The following KSR1 variants were observed in gnomAD, a reference collection of about 807,000 sequenced individuals.
KSR1 encodes kinase suppressor of ras 1, also known as kinase suppressor of ras.
KSR1 carries 35 observed loss-of-function variants against 92.9 expected under a neutral mutation model. That is an observed-to-expected ratio of 0.38 (90% CI 0.29 to 0.50). KSR1 has a LOEUF of 0.50. Among genes scored for constraint, KSR1 ranks in the 20% least tolerant of loss-of-function variants. The pLI is 0.94. For synonymous variants in KSR1, 467 were observed against 472.6 expected (o/e 0.99, Z 0.15); for missense variants, 972 against 1,158.5 (o/e 0.84, Z 2.34).
intron 2 of KSR1, among the ~76,000 whole-genome samples, chr17:27,552,611 G>GC (rs891365504): frequency 6.6e-6 from 1 of 152,182 alleles, no homozygotes; most frequent in East Asian, 1.9e-4. Flanking sequence ...GAGAGTTGGT[G>GC]CCCCCAGGGG....
intron 1 of KSR1, among the ~76,000 whole-genome samples, chr17:27,525,771 C>T (rs1320207114): frequency 6.6e-6 from 1 of 152,206 alleles, no homozygotes; most frequent in African/African-American, 2.4e-5. Flanking sequence ...CCTTCTTCAT[C>T]TGAAAGAGGA....
chr17:27,620,336 C>T (rs781368838), intron 19 of KSR1, among the ~76,000 whole-genome samples: 12 of 152,240 alleles, frequency 7.9e-5, no homozygotes, highest in Middle Eastern at 3.4e-3. Flanking sequence ...CACAGATGGC[C>T]GAGGCCAGGG....
intron 1 of KSR1, among the ~76,000 whole-genome samples, chr17:27,549,371 T>C (rs555910427): frequency 6.6e-6 from 1 of 152,204 alleles, no homozygotes; most frequent in Non-Finnish European, 1.5e-5. Flanking sequence ...AGTGAGCTCG[T>C]TTCCATCTGT....
intron 1 of KSR1, among the ~76,000 whole-genome samples, chr17:27,497,197 G>A (rs1264206950): frequency 6.6e-6 from 1 of 152,158 alleles, no homozygotes; most frequent in East Asian, 1.9e-4. Context: ...TTATGTTATC[G>A]GTAACCCATT....
intron 6 of KSR1, among the ~76,000 whole-genome samples, chr17:27,588,799 C>T (rs1333623370): frequency 6.6e-6 from 1 of 152,190 alleles, no homozygotes; most frequent in Non-Finnish European, 1.5e-5. Flanking sequence ...TCCCAGGACA[C>T]AGGTCCCGGG....
chr17:27,602,664 C>T (rs1272352135), intron 11 of KSR1, among the ~76,000 whole-genome samples: 1 of 152,196 alleles, frequency 6.6e-6, no homozygotes, highest in Non-Finnish European at 1.5e-5. Flanking sequence ...GTGTGTTTGC[C>T]TCCTTTGGAA....
intron 1 of KSR1, among the ~76,000 whole-genome samples, chr17:27,485,977 TTC>T (rs1190467358): frequency 1.3e-5 from 2 of 152,264 alleles, no homozygotes; most frequent in African/African-American, 4.8e-5. Flanking sequence ...ACGTTAGTTC[TTC>T]TAATTAGTCT....
At position 27,592,390 on chromosome 17, in the gene KSR1, A is replaced by C; in HGVS notation, c.1160A>C (p.Glu387Ala). Residue 387 changes from glutamate (E) to alanine (A), a missense_variant, in exon 8 of 21, where the codon GAA (glutamate) becomes GCA (alanine). Physicochemically the swap from Glu to Ala is moderately radical, Grantham distance 107. Coordinates refer to ENST00000644974, the MANE Select transcript of KSR1 (RefSeq NM_001394583.1). ...AAGTGTCACAACAAATGTACCAAAG[A>C]AGCCCCTGCCTGTAGAATATCCTTC... Reference protein sequence around the residue: ...RLKCHNKCTKEAPACRISFLP... With the variant: ...RLKCHNKCTKAAPACRISFLP... 3 of 1,613,946 alleles carry C rather than the reference A, an allele frequency of 1.9e-6. No individual in the cohort carries two copies. The highest frequency in any genetic ancestry group is 1.7e-6 in the Non-Finnish European group (2 of 1,179,892).
At chr17:27,620,734 G>A (rs1485237358) in intron 19 of KSR1, among the ~76,000 whole-genome samples, 1 of 152,172 alleles carries the variant, frequency 6.6e-6, no homozygotes, top group Non-Finnish European at 1.5e-5. Context: ...TGGGCAACTT[G>A]CTTAACAAGC....
chr17:27,532,419 G>C (rs899217648), intron 1 of KSR1, among the ~76,000 whole-genome samples: 27 of 152,234 alleles, frequency 1.8e-4, no homozygotes, highest in Admixed American at 8.5e-4. Context: ...TCAGGTACGG[G>C]CTGCTCTGTG....
chr17:27,566,298 G>A, intron 2 of KSR1: 1 of 393,826 alleles, frequency 2.5e-6, no homozygotes, highest in African/African-American at 2.1e-5. Flanking sequence ...CGGGAAGTAT[G>A]TGCTGACTCC....
rs2019340421 is a variant in KSR1, at chr17:27,459,614, C to T, written c.231+2740C>T. ...GTGGCCCCAGAGACTGTGCTTGCAACACTGGATTCCTGGCTTTTGAAGAAG... is the reference window on the plus strand; with the variant it reads ...GTGGCCCCAGAGACTGTGCTTGCAATACTGGATTCCTGGCTTTTGAAGAAG... On this transcript the variant is annotated intron_variant, in intron 1 of 20. Coordinates refer to ENST00000644974, the MANE Select transcript of KSR1 (RefSeq NM_001394583.1). The surrounding 1 kb of genome is among the most constrained non-coding windows in gnomAD (Gnocchi z 4.6). Among the ~76,000 whole-genome samples the T allele has an allele frequency of 6.6e-6, 1 of 152,268 alleles. No homozygotes were observed. The highest frequency in any genetic ancestry group is 2.4e-5 in the African/African-American group (1 of 41,470).
chr17:27,601,258 C>T, intron 10 of KSR1, 102 bp from the exon 11 acceptor site: 1 of 995,482 alleles, frequency 1.0e-6, no homozygotes, highest in South Asian at 1.5e-5. Context: ...TGTCCCAGCC[C>T]AGTAACAAGT....
chr17:27,571,039 C>A (rs969512401), intron 2 of KSR1, among the ~76,000 whole-genome samples: 1 of 152,200 alleles, frequency 6.6e-6, no homozygotes, highest in African/African-American at 2.4e-5. Context: ...AGGTCAGGGG[C>A]ATTGCGGGGA....
At chr17:27,621,151 G>A (rs1449119764) in intron 19 of KSR1, 42 bp from the exon 20 acceptor site, 4 of 398,522 alleles carry the variant, frequency 1.0e-5, no homozygotes, top group Non-Finnish European at 1.8e-5. Flanking sequence ...GCCGGACTGC[G>A]CTCTTCCCAC....
chr17:27,608,328 C>A (rs1317014150), intron 15 of KSR1, among the ~76,000 whole-genome samples: 1 of 152,176 alleles, frequency 6.6e-6, no homozygotes, highest in Non-Finnish European at 1.5e-5. Flanking sequence ...CCTCTCTAAG[C>A]CTCAGTTTTC....
chr17:27,520,653 T>A (rs1476663384), intron 1 of KSR1, among the ~76,000 whole-genome samples: 1 of 152,262 alleles, frequency 6.6e-6, no homozygotes, highest in Non-Finnish European at 1.5e-5. Context: ...TCTGCCCCTT[T>A]GTCCGGACGA....
intron 1 of KSR1, among the ~76,000 whole-genome samples, chr17:27,549,586 T>C (rs2071317256): frequency 6.6e-6 from 1 of 152,222 alleles, no homozygotes; most frequent in Non-Finnish European, 1.5e-5. Context: ...TTTGCGAGTC[T>C]TTTGAAAGCT....
chr17:27,472,885 T>C (rs970523119), intron 1 of KSR1, among the ~76,000 whole-genome samples: 1 of 152,196 alleles, frequency 6.6e-6, no homozygotes, highest in African/African-American at 2.4e-5. Context: ...TATCCCTTCC[T>C]CCCACAGTTA....
Sources: allele counts gnomAD v4.1 joint callset (sites outside exome capture counted in the v4.1 genomes callset), GRCh38; gene constraint gnomAD v4.1.1; non-coding constraint Gnocchi (gnomAD v3.1); transcripts MANE v1.5; gene names NCBI Gene and HGNC (gene_info 2026-07-23, HGNC 2026-07-21).